The following EPHB1 variants were observed in gnomAD, a reference collection of about 807,000 sequenced individuals.
The protein encoded by EPHB1 is ephrin type-B receptor 1.
EPHB1 carries 30 observed loss-of-function variants against 94.4 expected under a neutral mutation model. That is an observed-to-expected ratio of 0.32 (90% CI 0.24 to 0.43). The LOEUF (loss-of-function observed/expected upper bound fraction) is 0.43. Among genes scored for constraint, EPHB1 ranks in the 20% least tolerant of loss-of-function variants. The pLI is 1.00. For missense variants in EPHB1, 1,055 were observed against 1,308.3 expected (o/e 0.81, Z 2.99); for synonymous variants, 522 against 489.1 (o/e 1.07, Z -0.89).
At chr3:134,910,325 GC>G (rs1291954272) in intron 1 of EPHB1, among the ~76,000 whole-genome samples, 2 of 152,140 alleles carry the variant, frequency 1.3e-5, no homozygotes, top group Non-Finnish European at 2.9e-5. Flanking sequence ...ATGCCTGTTT[GC>G]CCCCCACTGT....
chr3:134,807,350 T>C (rs1000691539), intron 1 of EPHB1, among the ~76,000 whole-genome samples: 1 of 151,900 alleles, frequency 6.6e-6, no homozygotes, highest in African/African-American at 2.4e-5. Flanking sequence ...AATAGACTGG[T>C]GGGGGAGACA....
At chr3:135,248,715 G>C (rs1418906443) in intron 14 of EPHB1, among the ~76,000 whole-genome samples, 2 of 152,070 alleles carry the variant, frequency 1.3e-5, no homozygotes, top group Non-Finnish European at 2.9e-5. Flanking sequence ...TCTTAAATCA[G>C]GATAATGGTT....
intron 3 of EPHB1, among the ~76,000 whole-genome samples, chr3:135,026,545 A>T (rs1167007279): frequency 7.0e-6 from 1 of 143,176 alleles, no homozygotes; most frequent in African/African-American, 2.8e-5. Flanking sequence ...GTTATTTCTG[A>T]GGGCTCTGTT....
chr3:135,219,879 A>G (rs760267405), intron 12 of EPHB1, among the ~76,000 whole-genome samples: 3 of 152,136 alleles, frequency 2.0e-5, no homozygotes, highest in Non-Finnish European at 4.4e-5. Context: ...GGGCTCCAGA[A>G]TGTTGTAGTG....
intron 3 of EPHB1, among the ~76,000 whole-genome samples, chr3:134,957,439 G>A (rs552469967): frequency 9.2e-5 from 14 of 152,284 alleles, no homozygotes; most frequent in Admixed American, 2.6e-4. Context: ...GGGGACTGCA[G>A]GAGCAGGCTG....
chr3:134,875,431 C>T (rs1273785511), intron 1 of EPHB1, among the ~76,000 whole-genome samples: 1 of 152,042 alleles, frequency 6.6e-6, no homozygotes. Context: ...GTCCCTGTGT[C>T]CCCTGTGGAA....
intron 3 of EPHB1, among the ~76,000 whole-genome samples, chr3:135,077,612 A>G (rs1361946415): frequency 1.3e-5 from 2 of 152,198 alleles, no homozygotes; most frequent in Admixed American, 1.3e-4. Flanking sequence ...TGAACAGAGA[A>G]GGGTGGGGTA....
At chr3:135,080,334 A>AG (rs1230620953) in intron 3 of EPHB1, among the ~76,000 whole-genome samples, 3 of 152,144 alleles carry the variant, frequency 2.0e-5, no homozygotes, top group Non-Finnish European at 4.4e-5. Flanking sequence ...GCCAGAGAGA[A>AG]GGGGGAGGGG....
intron 12 of EPHB1, among the ~76,000 whole-genome samples, chr3:135,202,870 G>T (rs994511250): frequency 2.6e-5 from 4 of 152,114 alleles, no homozygotes; most frequent in African/African-American, 9.7e-5. Context: ...CCTTTACTGG[G>T]TATATACCCA....
At chr3:135,084,659 G>T (rs1044281443) in intron 3 of EPHB1, among the ~76,000 whole-genome samples, 1 of 152,170 alleles carries the variant, frequency 6.6e-6, no homozygotes, top group Non-Finnish European at 1.5e-5. Context: ...GCTGGCTGAG[G>T]TTCAGCTCCC....
At chr3:135,164,354 T>C (rs544155328) in intron 7 of EPHB1, among the ~76,000 whole-genome samples, 6 of 152,148 alleles carry the variant, frequency 3.9e-5, no homozygotes, top group Non-Finnish European at 7.4e-5. Flanking sequence ...TTCTCAAACA[T>C]TGGGGAACAT....
At chr3:135,053,724 C>T (rs938281192) in intron 3 of EPHB1, among the ~76,000 whole-genome samples, 3 of 152,086 alleles carry the variant, frequency 2.0e-5, no homozygotes, top group Non-Finnish European at 2.9e-5. Flanking sequence ...TGGTGGCTCA[C>T]GCCTGTAATC....
chr3:134,994,441 T>G (rs546224136), intron 3 of EPHB1, among the ~76,000 whole-genome samples: 80 of 152,290 alleles, frequency 5.3e-4, no homozygotes, highest in South Asian at 1.7e-3. Context: ...ATCCCGTGCC[T>G]GGGAATGTTC....
intron 1 of EPHB1, among the ~76,000 whole-genome samples, chr3:134,846,173 C>T (rs1490334800): frequency 6.6e-6 from 1 of 152,194 alleles, no homozygotes; most frequent in Non-Finnish European, 1.5e-5. Flanking sequence ...CAAGTTTTCT[C>T]TGTGTGTTCA....
intron 12 of EPHB1, among the ~76,000 whole-genome samples, chr3:135,222,985 C>T (rs1240730277): frequency 6.6e-6 from 1 of 152,130 alleles, no homozygotes; most frequent in Admixed American, 6.5e-5. Flanking sequence ...TGAGGTTTTA[C>T]TAAAATATGT....
At chr3:135,162,931 G>A (rs1218309327) in intron 7 of EPHB1, among the ~76,000 whole-genome samples, 2 of 152,100 alleles carry the variant, frequency 1.3e-5, no homozygotes, top group Non-Finnish European at 2.9e-5. Flanking sequence ...CATAGTTTAT[G>A]TAATTATTTG....
At chr3:135,248,010 T>C (rs922737753) in intron 13 of EPHB1, among the ~76,000 whole-genome samples, 4 of 152,188 alleles carry the variant, frequency 2.6e-5, no homozygotes, top group African/African-American at 9.7e-5. Flanking sequence ...AGAGCGGAGA[T>C]GCTCAAGCTG....
At chr3:135,185,059 G>A (rs977141389) in intron 10 of EPHB1, among the ~76,000 whole-genome samples, 1 of 152,232 alleles carries the variant, frequency 6.6e-6, no homozygotes, top group Non-Finnish European at 1.5e-5. Flanking sequence ...GAAGTTGTTG[G>A]CAGAAGAAGA....
intron 3 of EPHB1, among the ~76,000 whole-genome samples, chr3:134,970,578 C>G (rs4955530): frequency 0.48 from 73,392 of 151,904 alleles, 18,318 homozygotes; most frequent in African/African-American, 0.59. Flanking sequence ...ATGAGGACAG[C>G]GGTATTTGAG....
Sources: allele counts gnomAD v4.1 joint callset (sites outside exome capture counted in the v4.1 genomes callset), GRCh38; gene constraint gnomAD v4.1.1; transcripts MANE v1.5; gene names NCBI Gene and HGNC (gene_info 2026-07-23, HGNC 2026-07-21).